Variants in LINGO2 observed in about 807,000 individuals in gnomAD.
LINGO2 encodes the protein leucine-rich repeat and immunoglobulin-like domain-containing nogo receptor-interacting protein 2.
In LINGO2, 14 loss-of-function variants were observed where a neutral mutation model predicts 30.6. The observed-to-expected ratio is 0.46, with a 90% CI of 0.30 to 0.72. The LOEUF (loss-of-function observed/expected upper bound fraction) is 0.72. LINGO2 is among the 30% of genes least tolerant of loss of function. LINGO2 has a pLI of 0.07. For synonymous variants in LINGO2, 317 were observed against 288.5 expected (o/e 1.10, Z -1.00); for missense variants, 729 against 751.7 (o/e 0.97, Z 0.35).
the LINGO2 span, among the ~76,000 whole-genome samples, chr9:28,823,703 G>A: frequency 4.6e-5 from 7 of 152,150 alleles, no homozygotes; most frequent in Admixed American, 2.6e-4. Context: ...AGACAAAGGC[G>A]GCACTGAACT....
At chr9:28,985,588 T>G in the LINGO2 span, among the ~76,000 whole-genome samples, 1 of 152,098 alleles carries the variant, frequency 6.6e-6, no homozygotes, top group Non-Finnish European at 1.5e-5. Flanking sequence ...CATTTTGCTT[T>G]GAACTTAAAT....
intron 4 of LINGO2, among the ~76,000 whole-genome samples, chr9:28,203,174 C>T (rs1245231089): frequency 1.3e-5 from 2 of 151,998 alleles, no homozygotes; most frequent in South Asian, 2.1e-4. Flanking sequence ...AAGTGTTCAC[C>T]GAAAAGATGA....
At chr9:28,920,117 T>C in the LINGO2 span, among the ~76,000 whole-genome samples, 4 of 152,110 alleles carry the variant, frequency 2.6e-5, no homozygotes, top group African/African-American at 9.7e-5. Flanking sequence ...TCTTTTAAAA[T>C]AGATTCTCAG....
chr9:28,839,402 A>T, the LINGO2 span, among the ~76,000 whole-genome samples: 1 of 152,024 alleles, frequency 6.6e-6, no homozygotes, highest in Non-Finnish European at 1.5e-5. Flanking sequence ...CATCCTAATG[A>T]GTTCAGCTCT....
intron 1 of LINGO2, among the ~76,000 whole-genome samples, chr9:28,516,214 A>G (rs10738798): frequency 0.96 from 145,573 of 152,228 alleles, 69,928 homozygotes; most frequent in East Asian, 1. Context: ...GTGTTGTCCC[A>G]GAACTGAGCC....
chr9:28,339,208 A>C (rs1050732975), intron 3 of LINGO2, among the ~76,000 whole-genome samples: 1 of 93,900 alleles, frequency 1.1e-5, no homozygotes, highest in African/African-American at 2.8e-5. Flanking sequence ...CTTACAAATA[A>C]AATTAATGGA....
chr9:28,834,521 A>T, the LINGO2 span, among the ~76,000 whole-genome samples: 4 of 152,200 alleles, frequency 2.6e-5, no homozygotes, highest in African/African-American at 9.6e-5. Context: ...AATAAAAATA[A>T]TTTTAAGCAT....
chr9:28,404,897 G>A (rs1352002455), intron 2 of LINGO2, among the ~76,000 whole-genome samples: 3 of 44,844 alleles, frequency 6.7e-5, no homozygotes, highest in South Asian at 1.3e-3. Flanking sequence ...AGGCTCAGCC[G>A]CTTTGTGTGT....
At chr9:28,997,278 A>G in the LINGO2 span, among the ~76,000 whole-genome samples, 1 of 152,118 alleles carries the variant, frequency 6.6e-6, no homozygotes, top group African/African-American at 2.4e-5. Flanking sequence ...CCAAAATAAA[A>G]TAACATAAAA....
At chr9:28,633,245 C>T (rs2135892356) in intron 1 of LINGO2, among the ~76,000 whole-genome samples, 1 of 152,178 alleles carries the variant, frequency 6.6e-6, no homozygotes, top group South Asian at 2.1e-4. Context: ...CAGACACACT[C>T]AGGATTAATA....
chr9:29,148,131 T>C, the LINGO2 span, among the ~76,000 whole-genome samples: 1 of 152,128 alleles, frequency 6.6e-6, no homozygotes, highest in African/African-American at 2.4e-5. Context: ...ATGTTGCTGC[T>C]AATGAAAATT....
chr9:28,513,373 A>G (rs1213683882), intron 1 of LINGO2, among the ~76,000 whole-genome samples: 1 of 152,214 alleles, frequency 6.6e-6, no homozygotes, highest in Non-Finnish European at 1.5e-5. Flanking sequence ...TACTTAGCAC[A>G]ATATCTGAAA....
chr9:28,992,457 T>C, the LINGO2 span, among the ~76,000 whole-genome samples: 143 of 1,408 alleles, frequency 0.1, no homozygotes, highest in Non-Finnish European at 0.34. Flanking sequence ...GACAGATCAA[T>C]GAGACAAAGT....
At chr9:28,989,067 T>C in the LINGO2 span, among the ~76,000 whole-genome samples, 6 of 152,302 alleles carry the variant, frequency 3.9e-5, no homozygotes, top group East Asian at 3.9e-4. Context: ...CAGTGGAACA[T>C]ACAAAACACG....
chr9:28,907,506 T>A, the LINGO2 span, among the ~76,000 whole-genome samples: 1 of 151,756 alleles, frequency 6.6e-6, no homozygotes, highest in African/African-American at 2.4e-5. Flanking sequence ...ATTATTCCTA[T>A]GAATGGTCTG....
intron 4 of LINGO2, among the ~76,000 whole-genome samples, chr9:28,284,686 A>G (rs1823444216): frequency 6.6e-6 from 1 of 152,220 alleles, no homozygotes; most frequent in Admixed American, 6.5e-5. Context: ...AGTATCTCAA[A>G]TTAGAGAATT....
chr9:28,712,174 G>A, the LINGO2 span, among the ~76,000 whole-genome samples: 1 of 152,106 alleles, frequency 6.6e-6, no homozygotes, highest in South Asian at 2.1e-4. Flanking sequence ...ATGAAGGATT[G>A]TAAAATGTAC....
At chr9:29,080,537 G>C in the LINGO2 span, among the ~76,000 whole-genome samples, 1 of 151,910 alleles carries the variant, frequency 6.6e-6, no homozygotes, top group Non-Finnish European at 1.5e-5. Context: ...TGTGATGTTA[G>C]CGTGTCAATT....
At chr9:29,071,784 C>A in the LINGO2 span, among the ~76,000 whole-genome samples, 4 of 151,748 alleles carry the variant, frequency 2.6e-5, no homozygotes, top group East Asian at 5.8e-4. Flanking sequence ...GTCACACATA[C>A]CCTGAGTAGC....
Sources: gnomAD v4.1 joint callset for allele counts (sites outside exome capture counted in the v4.1 genomes callset) on GRCh38, gnomAD v4.1.1 for gene constraint, MANE v1.5 for transcripts, NCBI Gene and HGNC (gene_info 2026-07-23, HGNC 2026-07-21) for gene names.